Variants in DNM3 observed in about 807,000 individuals in gnomAD.
The protein encoded by DNM3 is dynamin-3.
Under a neutral mutation model 101.6 loss-of-function variants are expected in DNM3, and 47 were observed. That is an observed-to-expected ratio of 0.46 (90% CI 0.37 to 0.59). The LOEUF (loss-of-function observed/expected upper bound fraction) is 0.59, where lower values mean the gene tolerates loss of function less well. DNM3 is among the 20% of genes least tolerant of loss of function. DNM3 has a pLI of 0.00. For synonymous variants in DNM3, 385 were observed against 387.9 expected, an observed-to-expected ratio of 0.99 and a Z score of 0.09; for missense variants, 849 against 1,085.7, an observed-to-expected ratio of 0.78 and a Z score of 3.06.
At chr1:172,400,590 G>A (rs527873210) in intron 20 of DNM3, among the ~76,000 whole-genome samples, 12 of 152,172 alleles carry the variant, frequency 7.9e-5, no homozygotes, top group South Asian at 4.2e-4. Flanking sequence ...GCTTCTCTGC[G>A]TTTCTTTTAG....
downstream of DNM3, among the ~76,000 whole-genome samples, chr1:172,416,922 G>T (rs972459386): frequency 5.9e-5 from 9 of 152,084 alleles, no homozygotes; most frequent in Admixed American, 5.2e-4. Context: ...TGGATGGGAG[G>T]CCTCTTTAGT....
In DNM3 at chr1:172,020,017, T is replaced by C. The variant is rs143741247; in HGVS notation, c.590-12385T>C. ...CTGTCTCCTCAAACTGTGGGGTTTT[T>C]TTCTTCGCCTTTTAATATGCCTTGT... On this transcript the variant is annotated intron_variant, in intron 4 of 20. Coordinates refer to ENST00000627582, the MANE Select transcript of DNM3 (RefSeq NM_015569.5). 3.4e-3 allele frequency among the ~76,000 whole-genome samples: 512 copies of C among 152,284 alleles called. 2 individuals are homozygous for C. The highest frequency in any genetic ancestry group is 4.5e-3 in the Non-Finnish European group (307 of 68,018).
rs555410280 is a variant in DNM3, at chr1:172,213,208, T to C, written c.1660-40365T>C. ...ACAGCTGATTTTTAGAGGAGGCCCC[T>C]TGCACACAAACCAAGTTTGCTTCTG... is the stretch of plus-strand genomic sequence containing the variant. On this transcript the variant is annotated intron_variant, in intron 14 of 20. Transcript: ENST00000627582. Among the ~76,000 whole-genome samples, 4 of 152,194 alleles carry C rather than the reference T, an allele frequency of 2.6e-5. No individual in the cohort carries two copies. The South Asian group carries it at 8.3e-4, about 32-fold the overall frequency.
At position 172,408,156 on chromosome 1, in the gene DNM3, A is replaced by T; in HGVS notation, c.*315A>T. On this transcript the variant is annotated 3_prime_UTR_variant, in exon 21 of 21. Transcript: ENST00000627582. Reference sequence around the variant, plus strand: ...TGAAATTGCTTTGGACAAGTTTTCTAGGCTATCTACCAGGTAGCTCATTAA... The same window carrying T: ...TGAAATTGCTTTGGACAAGTTTTCTTGGCTATCTACCAGGTAGCTCATTAA... 8.8e-7 allele frequency: 1 copy of T among 1,142,274 alleles called. No homozygotes were observed. Among genetic ancestry groups the T allele is most frequent in the Non-Finnish European group, 1.1e-6 (1 of 925,536 alleles). The allele number at this position is 1,142,274 out of a possible 1,614,324, so 70.8% of individuals were successfully genotyped here. A position where few individuals can be genotyped will look rare whatever the true frequency, so the allele number is the denominator to read the frequency against.
At chr1:172,386,790 C>A (rs995790371) in intron 18 of DNM3, 4 of 229,944 alleles carry the variant, frequency 1.7e-5, no homozygotes, top group African/African-American at 4.4e-5. Flanking sequence ...CCTCATAGTA[C>A]CTTCCCTCTT....
intron 12 of DNM3, among the ~76,000 whole-genome samples, chr1:172,092,204 T>C (rs2053958332): frequency 1.3e-5 from 2 of 152,178 alleles, no homozygotes; most frequent in Non-Finnish European, 2.9e-5. Context: ...GAGTTGGGAC[T>C]CATACATATT....
At chr1:172,400,077 T>C (rs2070350936) in intron 20 of DNM3, among the ~76,000 whole-genome samples, 1 of 152,176 alleles carries the variant, frequency 6.6e-6, no homozygotes, top group Admixed American at 6.5e-5. Context: ...AGAAATGAAT[T>C]GTGCAGTCAT....
intron 1 of DNM3, among the ~76,000 whole-genome samples, chr1:171,886,599 T>C (rs2036798347): frequency 6.6e-6 from 1 of 152,138 alleles, no homozygotes; most frequent in African/African-American, 2.4e-5. Context: ...GTTATTTACA[T>C]TATGCTTTTA....
intron 1 of DNM3, among the ~76,000 whole-genome samples, chr1:171,847,810 A>G (rs2032348666): frequency 6.6e-6 from 1 of 152,068 alleles, no homozygotes; most frequent in Non-Finnish European, 1.5e-5. Context: ...TTGACACTAA[A>G]TGATTTGCAT....
At chr1:172,160,047 A>G (rs2058488756) in intron 14 of DNM3, among the ~76,000 whole-genome samples, 7 of 151,368 alleles carry the variant, frequency 4.6e-5, no homozygotes, top group Admixed American at 4.6e-4. Context: ...TACAGTAAAA[A>G]TACAGCATAA....
At chr1:172,401,933 T>C (rs113162674) in intron 20 of DNM3, among the ~76,000 whole-genome samples, 8 of 152,304 alleles carry the variant, frequency 5.3e-5, no homozygotes, top group African/African-American at 1.9e-4. Flanking sequence ...TTTGTTCTCT[T>C]AGAGCAGACA....
At chr1:172,100,823 T>G (rs1488371903) in intron 13 of DNM3, among the ~76,000 whole-genome samples, 1 of 152,284 alleles carries the variant, frequency 6.6e-6, no homozygotes, top group South Asian at 2.1e-4. Flanking sequence ...TTTGCTGTGG[T>G]TCTGTTCTTG....
chr1:172,314,604 A>G (rs2065235212), intron 16 of DNM3, among the ~76,000 whole-genome samples: 1 of 152,204 alleles, frequency 6.6e-6, no homozygotes, highest in Non-Finnish European at 1.5e-5. Flanking sequence ...CCTGGCTCAG[A>G]GGGTCCTACG....
rs985611970 is a variant in DNM3, at chr1:172,407,888, G to T, written c.*47G>T. 3 of 1,612,166 alleles carry T rather than the reference G, an allele frequency of 1.9e-6. No homozygotes were observed. The highest frequency in any genetic ancestry group is 1.7e-6 in the Non-Finnish European group (2 of 1,178,660). The stretch of plus-strand genomic sequence containing the variant: ...TTAATCACTAATGAATTATGCGAAA[G>T]CAACATATTTGATAACCGTTGCAGT... On this transcript the variant is annotated 3_prime_UTR_variant, in exon 21 of 21. Transcript: ENST00000627582.
intron 1 of DNM3, among the ~76,000 whole-genome samples, chr1:171,892,842 A>G (rs1303521472): frequency 2.0e-5 from 3 of 149,878 alleles, no homozygotes; most frequent in Admixed American, 6.6e-5. Context: ...GATCCCTTGC[A>G]TAAGCAGTTC....
chr1:172,237,495 G>A (rs2061588903), intron 14 of DNM3, among the ~76,000 whole-genome samples: 1 of 152,104 alleles, frequency 6.6e-6, no homozygotes, highest in Non-Finnish European at 1.5e-5. Context: ...TGTAAGTCAA[G>A]GCCATTTGTT....
chr1:172,311,747 T>C (rs2065091608), intron 16 of DNM3, among the ~76,000 whole-genome samples: 2 of 152,250 alleles, frequency 1.3e-5, no homozygotes, highest in Non-Finnish European at 2.9e-5. Context: ...TATTTTTAAT[T>C]AGAATACTCA....
chr1:172,155,680 T>TTA (rs2058310021), intron 14 of DNM3, among the ~76,000 whole-genome samples: 2 of 152,194 alleles, frequency 1.3e-5, no homozygotes, highest in South Asian at 4.2e-4. Context: ...CCATGAACAT[T>TTA]TATCAGACGC....
Position 172,069,176 on chromosome 1 carries a change from T to C in DNM3, c.1422+271T>C, listed in dbSNP as rs151317722. ...AACAGGAGTTTCATTATTTTTTTTCTCAATGCTCCATGGATCATGCATACA... is the reference window on the plus strand; with the variant it reads ...AACAGGAGTTTCATTATTTTTTTTCCCAATGCTCCATGGATCATGCATACA... On this transcript the variant is annotated intron_variant, in intron 11 of 20. Coordinates refer to ENST00000627582, the MANE Select transcript of DNM3 (RefSeq NM_015569.5). 6.9e-3 allele frequency among the ~76,000 whole-genome samples: 1,053 copies of C among 152,344 alleles called. 19 individuals are homozygous for C. Among genetic ancestry groups the C allele is most frequent in the African/African-American group, 0.024 (992 of 41,586 alleles).
Sources: allele counts gnomAD v4.1 joint callset (sites outside exome capture counted in the v4.1 genomes callset), GRCh38; gene constraint gnomAD v4.1.1; transcripts MANE v1.5; gene names NCBI Gene and HGNC (gene_info 2026-07-23, HGNC 2026-07-21).